Variants in ABLIM3 observed in about 807,000 individuals in gnomAD.
ABLIM3 encodes the protein actin binding LIM protein family member 3, also known as actin-binding LIM protein 3.
In ABLIM3, 61 loss-of-function variants were observed where a neutral mutation model predicts 109.5. The observed-to-expected ratio is 0.56, with a 90% confidence interval of 0.45 to 0.69. ABLIM3 has a LOEUF of 0.69. ABLIM3 is among the 30% of genes least tolerant of loss of function. The pLI is 0.00. For synonymous variants in ABLIM3, 300 were observed against 324.8 expected (o/e 0.92, Z 0.82); for missense variants, 796 against 889.5 (o/e 0.89, Z 1.34).
At chr5:149,183,661 G>A (rs1390324286) in intron 3 of ABLIM3, 72 bp downstream of exon 3, 3 of 1,407,560 alleles carry the variant, frequency 2.1e-6, no homozygotes, top group East Asian at 2.7e-5. Context: ...CATGCCTCAG[G>A]GGCAGAAAGA....
intron 2 of ABLIM3, among the ~76,000 whole-genome samples, chr5:149,170,818 A>G (rs1441414900): frequency 6.6e-6 from 1 of 152,170 alleles, no homozygotes; most frequent in Admixed American, 6.5e-5. Context: ...CTTATCTCAA[A>G]GATGTCTCAA....
chr5:149,148,569 T>C (rs1049603432), intron 2 of ABLIM3, among the ~76,000 whole-genome samples: 3 of 152,162 alleles, frequency 2.0e-5, no homozygotes, highest in African/African-American at 7.2e-5. Flanking sequence ...CTAACTGGCC[T>C]CCTTTCATCC....
At chr5:149,169,169 G>A (rs780981391) in intron 2 of ABLIM3, among the ~76,000 whole-genome samples, 8 of 135,444 alleles carry the variant, frequency 5.9e-5, no homozygotes, top group Non-Finnish European at 9.0e-5. Context: ...TCCTAACTGC[G>A]TAGACGCTAG....
intron 18 of ABLIM3, among the ~76,000 whole-genome samples, chr5:149,248,682 T>C (rs1753632137): frequency 9.0e-6 from 1 of 110,554 alleles, no homozygotes; most frequent in Non-Finnish European, 1.8e-5. Context: ...AGAGCGAGAC[T>C]CTCTCTCAAA....
At chr5:149,217,993 A>C (rs560072256) in intron 8 of ABLIM3, 2 of 152,370 alleles carry the variant, frequency 1.3e-5, no homozygotes, top group African/African-American at 4.8e-5. Flanking sequence ...AAGTGTTATG[A>C]AGGAGAGAAG....
intron 14 of ABLIM3, among the ~76,000 whole-genome samples, chr5:149,241,584 C>T (rs565811820): frequency 7.1e-4 from 108 of 152,254 alleles, no homozygotes; most frequent in African/African-American, 2.5e-3. Context: ...CATGGTGAAA[C>T]GCTGTCTCTA....
chr5:149,224,751 G>A (rs902704150), intron 8 of ABLIM3, among the ~76,000 whole-genome samples: 5 of 152,178 alleles, frequency 3.3e-5, no homozygotes, highest in African/African-American at 4.8e-5. Context: ...GGCGGACACC[G>A]TTCTAAGTGC....
At chr5:149,211,151 T>TTTATTTATTTATTTATTTAA (rs1297497471) in intron 7 of ABLIM3, among the ~76,000 whole-genome samples, 2 of 151,764 alleles carry the variant, frequency 1.3e-5, no homozygotes, top group Admixed American at 1.3e-4. Flanking sequence ...TTTTTATTTA[T>TTTATTTATTTATTTATTTAA]TTATTTATTT....
At chr5:149,170,865 T>C (rs2127460167) in intron 2 of ABLIM3, among the ~76,000 whole-genome samples, 1 of 152,350 alleles carries the variant, frequency 6.6e-6, no homozygotes, top group South Asian at 2.1e-4. Context: ...TCTTTTGGTC[T>C]TTTTCTTCTG....
At chr5:149,172,062 T>C (rs1259958079) in intron 2 of ABLIM3, among the ~76,000 whole-genome samples, 1 of 152,236 alleles carries the variant, frequency 6.6e-6, no homozygotes, top group African/African-American at 2.4e-5. Flanking sequence ...CACAAATGAC[T>C]AATGGCTACC....
intron 2 of ABLIM3, among the ~76,000 whole-genome samples, chr5:149,159,063 AG>A (rs1378519650): frequency 6.6e-6 from 1 of 152,248 alleles, no homozygotes; most frequent in East Asian, 1.9e-4. Context: ...ATCTGCAAAA[AG>A]ATTTATGCAA....
chr5:149,249,900 T>TC, intron 19 of ABLIM3, 56 bp downstream of exon 19: 1 of 1,598,750 alleles, frequency 6.3e-7, no homozygotes, highest in Non-Finnish European at 8.6e-7. Context: ...GACAGAGCTG[T>TC]GTCAGCTGCA....
intron 6 of ABLIM3, among the ~76,000 whole-genome samples, chr5:149,208,195 CCA>C (rs983479021): frequency 1.3e-5 from 2 of 152,156 alleles, no homozygotes; most frequent in African/African-American, 4.8e-5. Context: ...GACAGAAAAC[CCA>C]CCTCCAACTC....
intron 6 of ABLIM3, among the ~76,000 whole-genome samples, chr5:149,208,914 G>A (rs895988189): frequency 1.3e-5 from 2 of 152,164 alleles, no homozygotes; most frequent in Admixed American, 6.5e-5. Context: ...GGAAGGTGGG[G>A]GTAAGATTCA....
chr5:149,150,659 G>T (rs150060672), intron 2 of ABLIM3, among the ~76,000 whole-genome samples: 161 of 152,290 alleles, frequency 1.1e-3, no homozygotes, highest in African/African-American at 3.5e-3. Context: ...TCAACAACTG[G>T]CTATTACCCA....
intron 10 of ABLIM3, among the ~76,000 whole-genome samples, chr5:149,236,064 C>A (rs915877958): frequency 3.9e-5 from 6 of 152,210 alleles, no homozygotes; most frequent in African/African-American, 1.2e-4. Context: ...TCTCTCCATT[C>A]ACCCTCTAGT....
chr5:149,233,723 G>A (rs1230008953), intron 10 of ABLIM3, among the ~76,000 whole-genome samples: 3 of 152,154 alleles, frequency 2.0e-5, no homozygotes, highest in Admixed American at 6.5e-5. Context: ...TGATAAAGAG[G>A]CAGAAAGGAG....
In ABLIM3 at chr5:149,259,591, T is replaced by C. The variant is rs1754735422; in HGVS notation, c.*1187T>C. The C allele has an allele frequency of 6.5e-7, 1 of 1,535,960 alleles. No homozygotes were observed. The highest frequency in any genetic ancestry group is 1.2e-5 in the South Asian group (1 of 84,056). ...CTGCTTATGAGATTCCAAAATGAAG[T>C]GTTGGCCAACACCGCTCATGGCCAT... On this transcript the variant is annotated 3_prime_UTR_variant, in exon 24 of 24. Transcript: ENST00000309868.
rs1188294694 is a variant in ABLIM3, at chr5:149,207,144, C to G, written c.575+10C>G. ...GGGAGTATATCAGCAAGTGGGTCCC[C>G]CTGCTCCTGCCCCAGCTGCCTGGGC... On this transcript the variant is annotated intron_variant, in intron 6 of 23. Transcript: ENST00000309868. 1 of 1,611,450 alleles carries G rather than the reference C, an allele frequency of 6.2e-7. No homozygotes were observed. Among genetic ancestry groups the G allele is most frequent in the Non-Finnish European group, 8.5e-7 (1 of 1,178,454 alleles).
Sources: allele counts gnomAD v4.1 joint callset (sites outside exome capture counted in the v4.1 genomes callset), GRCh38; gene constraint gnomAD v4.1.1; transcripts MANE v1.5; gene names NCBI Gene and HGNC (gene_info 2026-07-23, HGNC 2026-07-21).